The following ANO3 variants were observed in gnomAD, a reference collection of about 807,000 sequenced individuals.
The protein encoded by ANO3 is anoctamin 3.
In ANO3, 99 loss-of-function variants were observed where a neutral mutation model predicts 144.8. That is an observed-to-expected ratio of 0.68 (90% CI 0.58 to 0.81). The LOEUF is 0.81. Ranked by LOEUF, ANO3 falls within the 30% of genes least tolerant of loss-of-function variation. The pLI is 0.00. For synonymous variants in ANO3, 414 were observed against 392.6 expected (o/e 1.05, Z -0.64); for missense variants, 905 against 1,202.2 (o/e 0.75, Z 3.66).
intron 1 of ANO3, among the ~76,000 whole-genome samples, chr11:26,438,570 A>T (rs1241691624): frequency 6.9e-6 from 1 of 144,682 alleles, no homozygotes; most frequent in Non-Finnish European, 1.5e-5. Flanking sequence ...AACATGGTGA[A>T]ATCCCATCTC....
At chr11:26,380,874 C>A (rs1051214143) in intron 1 of ANO3, among the ~76,000 whole-genome samples, 1 of 151,936 alleles carries the variant, frequency 6.6e-6, no homozygotes, top group African/African-American at 2.4e-5. Context: ...CCCAGCTACT[C>A]GGGAGGCTGA....
chr11:26,384,133 C>G (rs1233952809), intron 1 of ANO3, among the ~76,000 whole-genome samples: 1 of 152,002 alleles, frequency 6.6e-6, no homozygotes, highest in Non-Finnish European at 1.5e-5. Flanking sequence ...AACTCTTAAA[C>G]TCGTGATCCG....
chr11:26,363,431 C>T (rs1220900822), intron 1 of ANO3, among the ~76,000 whole-genome samples: 1 of 150,492 alleles, frequency 6.6e-6, no homozygotes, highest in Non-Finnish European at 1.5e-5. Context: ...GGCCTCTCTC[C>T]TTGACGTGCA....
intron 1 of ANO3, among the ~76,000 whole-genome samples, chr11:26,392,502 T>C (rs535303894): frequency 6.6e-6 from 1 of 151,838 alleles, no homozygotes; most frequent in African/African-American, 2.4e-5. Context: ...TTAATAGGGG[T>C]GAGATATTAT....
At chr11:26,249,511 T>C (rs1199042677) in intron 1 of ANO3, among the ~76,000 whole-genome samples, 6 of 152,164 alleles carry the variant, frequency 3.9e-5, no homozygotes, top group Admixed American at 3.9e-4. Context: ...TTGAATTATA[T>C]AGTTATGTGC....
chr11:26,309,171 A>G (rs1488424522), upstream of ANO3, among the ~76,000 whole-genome samples: 3 of 152,168 alleles, frequency 2.0e-5, no homozygotes, highest in Admixed American at 6.6e-5. Context: ...GACTTGTTAG[A>G]TAAAGAAGGC....
At chr11:26,526,952 C>T (rs1161527614) in intron 7 of ANO3, among the ~76,000 whole-genome samples, 1 of 152,026 alleles carries the variant, frequency 6.6e-6, no homozygotes, top group East Asian at 1.9e-4. Context: ...TTTTTCTTGT[C>T]TTTGCTCTGC....
intron 1 of ANO3, among the ~76,000 whole-genome samples, chr11:26,428,303 C>A (rs1433694596): frequency 6.6e-6 from 1 of 152,042 alleles, no homozygotes; most frequent in African/African-American, 2.4e-5. Flanking sequence ...TTGAAAAGGG[C>A]CTAAATTATT....
intron 1 of ANO3, among the ~76,000 whole-genome samples, chr11:26,320,881 T>G (rs1304144179): frequency 6.6e-6 from 1 of 152,154 alleles, no homozygotes; most frequent in Non-Finnish European, 1.5e-5. Flanking sequence ...TTTAATCTAA[T>G]TTAGCTCTCT....
chr11:26,384,387 A>C (rs1179970323), intron 1 of ANO3, among the ~76,000 whole-genome samples: 4 of 152,204 alleles, frequency 2.6e-5, no homozygotes, highest in Admixed American at 2.6e-4. Context: ...CTGACAGTAC[A>C]TGGAGAAGTC....
At chr11:26,359,063 T>C (rs1855857936) in intron 1 of ANO3, among the ~76,000 whole-genome samples, 1 of 152,224 alleles carries the variant, frequency 6.6e-6, no homozygotes, top group African/African-American at 2.4e-5. Context: ...TGATTAATTA[T>C]CTTGTCATTA....
chr11:26,358,322 C>G (rs577694338), intron 1 of ANO3, among the ~76,000 whole-genome samples: 1 of 152,176 alleles, frequency 6.6e-6, no homozygotes, highest in Admixed American at 6.5e-5. Context: ...AAGGCACACG[C>G]CACCACGCAC....
intron 1 of ANO3, among the ~76,000 whole-genome samples, chr11:26,359,333 G>T (rs1267294688): frequency 6.6e-6 from 1 of 152,130 alleles, no homozygotes; most frequent in East Asian, 1.9e-4. Context: ...GGGGTCTCAT[G>T]AATCTTCAGT....
chr11:26,428,264 A>C (rs184805519), intron 1 of ANO3, among the ~76,000 whole-genome samples: 2,205 of 152,326 alleles, frequency 0.014, 23 homozygotes, highest in Non-Finnish European at 0.023. Context: ...AACACTTCCC[A>C]AAAATTAAAG....
chr11:26,546,174 T>G (rs895394730), intron 11 of ANO3, among the ~76,000 whole-genome samples: 1 of 150,452 alleles, frequency 6.6e-6, no homozygotes, highest in Non-Finnish European at 1.5e-5. Flanking sequence ...CAAACAAATG[T>G]TTTTTTTTCA....
intron 14 of ANO3, chr11:26,567,010 T>C: frequency 2.1e-6 from 3 of 1,423,094 alleles, no homozygotes; most frequent in Non-Finnish European, 2.8e-6. Context: ...ATAGTGTCTT[T>C]TTGGTTACAA....
At chr11:26,262,927 T>G (rs1564939016) in intron 1 of ANO3, among the ~76,000 whole-genome samples, 1 of 152,208 alleles carries the variant, frequency 6.6e-6, no homozygotes, top group Non-Finnish European at 1.5e-5. Context: ...TAAGGTATTC[T>G]GTGGTAATAG....
intron 1 of ANO3, among the ~76,000 whole-genome samples, chr11:26,356,112 C>T (rs910083365): frequency 6.6e-6 from 1 of 151,804 alleles, no homozygotes; most frequent in Admixed American, 6.6e-5. Flanking sequence ...TCATTTTTCA[C>T]CTATTTGTCT....
chr11:26,626,178 A>T (rs1419596033), intron 18 of ANO3, among the ~76,000 whole-genome samples: 1 of 152,186 alleles, frequency 6.6e-6, no homozygotes, highest in African/African-American at 2.4e-5. Flanking sequence ...AGATTTCACA[A>T]TGATGTACTT....
Sources: gnomAD v4.1 joint callset for allele counts (sites outside exome capture counted in the v4.1 genomes callset) on GRCh38, gnomAD v4.1.1 for gene constraint, MANE v1.5 for transcripts, NCBI Gene and HGNC (gene_info 2026-07-23, HGNC 2026-07-21) for gene names.